Variants in DAB1 observed in about 807,000 individuals in gnomAD.
DAB1 encodes the protein DAB adaptor protein 1.
In DAB1, 15 loss-of-function variants were observed where a neutral mutation model predicts 64.6. That is an observed-to-expected ratio of 0.23 (90% CI 0.16 to 0.36). DAB1 has a LOEUF of 0.36. Among genes scored for constraint, DAB1 ranks in the 10% least tolerant of loss-of-function variants. DAB1 has a pLI of 1.00. For synonymous variants in DAB1, 235 were observed against 251.9 expected (o/e 0.93, Z 0.64); for missense variants, 596 against 706.7 (o/e 0.84, Z 1.78).
intron 11 of DAB1, among the ~76,000 whole-genome samples, chr1:57,018,025 T>C (rs771723965): frequency 4.6e-5 from 7 of 152,234 alleles, no homozygotes; most frequent in Non-Finnish European, 7.3e-5. Flanking sequence ...CATCCTATTA[T>C]GTCTGAGACC....
chr1:57,551,725 C>A (rs1226783197), intron 7 of DAB1, among the ~76,000 whole-genome samples: 9 of 152,096 alleles, frequency 5.9e-5, no homozygotes, highest in Admixed American at 3.3e-4. Context: ...TAGACTGGAG[C>A]CTCCGGGAGT....
chr1:57,477,371 C>A (rs1558417222), intron 7 of DAB1, among the ~76,000 whole-genome samples: 1 of 152,170 alleles, frequency 6.6e-6, no homozygotes, highest in Non-Finnish European at 1.5e-5. Context: ...TCCTATCCCA[C>A]CCCACCCCAT....
At chr1:58,074,564 G>GTCTATATATATATATA (rs1332531604) in intron 5 of DAB1, 1 of 91,632 alleles carries the variant, frequency 1.1e-5, no homozygotes, top group African/African-American at 4.4e-5. Context: ...ATATATGTGT[G>GTCTATATATATATATA]TATATATATA....
At chr1:57,295,091 G>A (rs1673080434) in intron 1 of DAB1, among the ~76,000 whole-genome samples, 1 of 152,088 alleles carries the variant, frequency 6.6e-6, no homozygotes, top group African/African-American at 2.4e-5. Flanking sequence ...TAAGGTTGAG[G>A]AACTGCTTAA....
In DAB1 at chr1:57,580,240, A is replaced by C. The variant is rs529589549; in HGVS notation, n.625+69352T>G. Among the ~76,000 whole-genome samples, 16 of 152,272 alleles carry C rather than the reference A, an allele frequency of 1.1e-4. No homozygotes were observed. The East Asian group carries it at 3.1e-3, about 29-fold the overall frequency. ...TGAGCAGCTTCTAGCCTGGGTCTCA[A>C]AACTATGACTGCGCACACATATACA... On this transcript the variant is annotated intron_variant and non_coding_transcript_variant, in intron 7 of 20. Coordinates refer to the DAB1 transcript ENST00000485760.
At chr1:57,983,090 C>T (rs1053198650) in intron 5 of DAB1, among the ~76,000 whole-genome samples, 4 of 152,164 alleles carry the variant, frequency 2.6e-5, no homozygotes, top group African/African-American at 7.2e-5. Flanking sequence ...ATTCTCATTA[C>T]TCAATTAGAT....
chr1:57,713,861 A>G (rs545746438), intron 6 of DAB1, among the ~76,000 whole-genome samples: 12 of 152,278 alleles, frequency 7.9e-5, no homozygotes, highest in Admixed American at 2.6e-4. Context: ...GAAGTGTCAG[A>G]GACATAAAAA....
chr1:58,070,638 A>G (rs980074917), intron 5 of DAB1, among the ~76,000 whole-genome samples: 20 of 152,282 alleles, frequency 1.3e-4, no homozygotes, highest in African/African-American at 2.6e-4. Flanking sequence ...AGGAGGATGA[A>G]GTACATTGTG....
intron 5 of DAB1, among the ~76,000 whole-genome samples, chr1:57,893,124 C>T (rs113639458): frequency 1.3e-5 from 2 of 151,806 alleles, no homozygotes; most frequent in Non-Finnish European, 2.9e-5. Context: ...AGGTAAACAC[C>T]CTGCTTTATT....
intron 5 of DAB1, among the ~76,000 whole-genome samples, chr1:58,103,140 T>C (rs1456633016): frequency 6.6e-6 from 1 of 152,218 alleles, no homozygotes; most frequent in Non-Finnish European, 1.5e-5. Context: ...TACGTGGTAA[T>C]GCACCTCTAT....
intron 7 of DAB1, among the ~76,000 whole-genome samples, chr1:57,642,759 T>C (rs1399354136): frequency 6.6e-6 from 1 of 152,260 alleles, no homozygotes; most frequent in East Asian, 1.9e-4. Context: ...TGAGGTGTTA[T>C]GAACATCAGC....
intron 6 of DAB1, among the ~76,000 whole-genome samples, chr1:57,815,005 A>C (rs941302742): frequency 2.0e-5 from 3 of 152,108 alleles, no homozygotes; most frequent in Admixed American, 6.5e-5. Context: ...TGGGTCTGGA[A>C]ATTAGTTTCC....
At chr1:57,500,580 T>G (rs1205445333) in intron 7 of DAB1, among the ~76,000 whole-genome samples, 1 of 152,192 alleles carries the variant, frequency 6.6e-6, no homozygotes. Context: ...TCTCAACAAA[T>G]TCATACATTC....
chr1:57,382,603 CT>C (rs1268115060), intron 1 of DAB1, among the ~76,000 whole-genome samples: 1 of 152,122 alleles, frequency 6.6e-6, no homozygotes, highest in Non-Finnish European at 1.5e-5. Flanking sequence ...CTTTTTCCAA[CT>C]TTTAAAAGCC....
At chr1:57,758,747 T>C (rs1333279379) in intron 6 of DAB1, among the ~76,000 whole-genome samples, 1 of 152,144 alleles carries the variant, frequency 6.6e-6, no homozygotes, top group Non-Finnish European at 1.5e-5. Context: ...TGGAAAATAG[T>C]TTTGTTTTTT....
At chr1:57,563,103 C>T (rs1035034413) in intron 7 of DAB1, among the ~76,000 whole-genome samples, 3 of 151,558 alleles carry the variant, frequency 2.0e-5, no homozygotes, top group African/African-American at 4.8e-5. Flanking sequence ...CACACCACCA[C>T]AAAAAAAACA....
At chr1:57,126,843 C>T (rs1657169897) in intron 4 of DAB1, among the ~76,000 whole-genome samples, 1 of 152,152 alleles carries the variant, frequency 6.6e-6, no homozygotes, top group Admixed American at 6.5e-5. Flanking sequence ...TCACCCTGTC[C>T]CCAGGTTCCA....
chr1:58,367,840 C>T (rs903162862), intron 3 of DAB1, among the ~76,000 whole-genome samples: 2 of 152,144 alleles, frequency 1.3e-5, no homozygotes, highest in Non-Finnish European at 2.9e-5. Flanking sequence ...ACTAATACTA[C>T]CATCAAAAGC....
chr1:57,941,602 C>T (rs928901669), intron 5 of DAB1, among the ~76,000 whole-genome samples: 2 of 152,122 alleles, frequency 1.3e-5, no homozygotes, highest in East Asian at 1.9e-4. Flanking sequence ...TTTGGGAGGC[C>T]AAGGCGGGCG....
Sources: gnomAD v4.1 joint callset for allele counts (sites outside exome capture counted in the v4.1 genomes callset) on GRCh38, gnomAD v4.1.1 for gene constraint, MANE v1.5 for transcripts, NCBI Gene and HGNC (gene_info 2026-07-23, HGNC 2026-07-21) for gene names.